Variants in LRBA observed in about 807,000 individuals in gnomAD.
The protein encoded by LRBA is LPS responsive beige-like anchor protein, also known as lipopolysaccharide-responsive and beige-like anchor protein.
In LRBA, 176 loss-of-function variants were observed where a neutral mutation model predicts 330.0. The ratio of observed to expected loss-of-function variants is 0.53; its 90% CI spans 0.47 to 0.60. LRBA has a LOEUF of 0.60. LRBA is among the 20% of genes least tolerant of loss of function. LRBA has a pLI of 0.00. For missense variants in LRBA, 3,259 were observed against 3,444.8 expected, an observed-to-expected ratio of 0.95 and a Z score of 1.35; for synonymous variants, 1,230 against 1,193.0, an observed-to-expected ratio of 1.03 and a Z score of -0.64.
At position 151,000,918 on chromosome 4, in the gene LRBA, C is replaced by T. The variant is rs144435687; in HGVS notation, c.216+13509G>A. Among the ~76,000 whole-genome samples, 1,148 of 152,310 alleles carry T rather than the reference C, an allele frequency of 7.5e-3. 7 individuals carry two copies. The highest frequency in any genetic ancestry group is 0.026 in the African/African-American group (1,063 of 41,556). ...GGGAGCCGAGAGACAATCCCCACTGCGGGGAAACAGTAAGTGGGAGACTCC... is the reference window on the plus strand; with the variant it reads ...GGGAGCCGAGAGACAATCCCCACTGTGGGGAAACAGTAAGTGGGAGACTCC... On this transcript the variant is annotated intron_variant, in intron 2 of 56. Coordinates refer to ENST00000651943, the MANE Select transcript of LRBA (RefSeq NM_001364905.1).
At chr4:150,938,374 A>G (rs1007354048) in intron 2 of LRBA, among the ~76,000 whole-genome samples, 13 of 152,186 alleles carry the variant, frequency 8.5e-5, no homozygotes, top group Admixed American at 3.9e-4. Flanking sequence ...GCCACTGGAA[A>G]CTTACTAATA....
At chr4:150,728,319 AGAG>A (rs1729975803) in intron 36 of LRBA, among the ~76,000 whole-genome samples, 1 of 152,160 alleles carries the variant, frequency 6.6e-6, no homozygotes, top group South Asian at 2.1e-4. Flanking sequence ...TCCAAAAAAT[AGAG>A]GAGGGAAGAA....
intron 40 of LRBA, among the ~76,000 whole-genome samples, chr4:150,551,379 T>A (rs1581649251): frequency 6.6e-6 from 1 of 152,094 alleles, no homozygotes; most frequent in Admixed American, 6.6e-5. Context: ...CAACGACAGC[T>A]ACATAAAAAA....
intron 35 of LRBA, among the ~76,000 whole-genome samples, chr4:150,755,978 C>T (rs1277171204): frequency 6.7e-6 from 1 of 149,394 alleles, no homozygotes; most frequent in African/African-American, 2.5e-5. Flanking sequence ...CCAGGGAGGT[C>T]GAGGCTGAAG....
chr4:150,849,055 C>T, intron 25 of LRBA, 57 bp from the exon 26 acceptor site: 1 of 1,185,092 alleles, frequency 8.4e-7, no homozygotes, highest in Non-Finnish European at 1.2e-6. Flanking sequence ...AAAATTTTAC[C>T]AGATATAGTC....
intron 9 of LRBA, among the ~76,000 whole-genome samples, chr4:150,910,624 T>A (rs2149481683): frequency 6.6e-6 from 1 of 152,324 alleles, no homozygotes; most frequent in African/African-American, 2.4e-5. Context: ...TTTGTTCCCC[T>A]TTTTAAATAC....
In LRBA at chr4:150,513,695, G is replaced by C. The variant is rs78700672; in HGVS notation, c.6331-22660C>G. On this transcript the variant is annotated intron_variant, in intron 40 of 56. Transcript: ENST00000651943. ...TTCCTGCTCCCTGTCCCCTCACATA[G>C]TGGAGACAGAGAATTTCTCTTTCAT... Among the ~76,000 whole-genome samples the C allele has an allele frequency of 1.2e-3, 182 of 152,272 alleles. 4 individuals are homozygous for C. The highest frequency in any genetic ancestry group is 4.3e-3 in the African/African-American group (178 of 41,550).
At chr4:150,858,403 A>G (rs1337274178) in intron 22 of LRBA, among the ~76,000 whole-genome samples, 1 of 151,192 alleles carries the variant, frequency 6.6e-6, no homozygotes, top group East Asian at 1.9e-4. Flanking sequence ...TTTAAGTGCC[A>G]TTTAAATTTG....
At chr4:150,628,904 T>G (rs898581342) in intron 37 of LRBA, among the ~76,000 whole-genome samples, 1 of 152,138 alleles carries the variant, frequency 6.6e-6, no homozygotes, top group Non-Finnish European at 1.5e-5. Context: ...CTCTCAAAAT[T>G]TTTGCTGTTG....
At chr4:151,009,439 C>T (rs569120119) in intron 2 of LRBA, among the ~76,000 whole-genome samples, 1 of 150,532 alleles carries the variant, frequency 6.6e-6, no homozygotes, top group South Asian at 2.1e-4. Flanking sequence ...ATCCCAGCTA[C>T]TCAGGAGGCT....
chr4:150,566,001 G>A (rs1373423116), intron 40 of LRBA, among the ~76,000 whole-genome samples: 2 of 151,348 alleles, frequency 1.3e-5, no homozygotes, highest in Non-Finnish European at 2.9e-5. Flanking sequence ...GCGAAGATAA[G>A]AGGATCACTT....
intron 37 of LRBA, among the ~76,000 whole-genome samples, chr4:150,613,363 T>C (rs1775451798): frequency 6.6e-6 from 1 of 152,170 alleles, no homozygotes; most frequent in Non-Finnish European, 1.5e-5. Flanking sequence ...TAGAAGTGAG[T>C]AATCCACAAA....
chr4:150,748,451 G>A (rs180965998), intron 35 of LRBA, among the ~76,000 whole-genome samples: 81 of 152,146 alleles, frequency 5.3e-4, no homozygotes, highest in African/African-American at 1.7e-3. Flanking sequence ...GGCAGATCAC[G>A]AGGTCAGGAG....
intron 48 of LRBA, among the ~76,000 whole-genome samples, chr4:150,328,677 C>G (rs1281461335): frequency 1.3e-5 from 2 of 151,794 alleles, no homozygotes; most frequent in African/African-American, 4.8e-5. Context: ...AGAGCAGAAC[C>G]TCAAGAAGTA....
At chr4:150,466,164 G>A (rs1329857304) in intron 44 of LRBA, among the ~76,000 whole-genome samples, 1 of 152,070 alleles carries the variant, frequency 6.6e-6, no homozygotes, top group Non-Finnish European at 1.5e-5. Context: ...TGAGGAAAAT[G>A]TTAACCTTCG....
intron 41 of LRBA, among the ~76,000 whole-genome samples, chr4:150,488,641 T>C (rs1201442297): frequency 1.3e-5 from 2 of 151,418 alleles, no homozygotes; most frequent in East Asian, 1.9e-4. Flanking sequence ...TTAGAAGATA[T>C]TCATTTGGTC....
chr4:150,602,483 C>T (rs1395879311), intron 37 of LRBA, among the ~76,000 whole-genome samples: 1 of 152,122 alleles, frequency 6.6e-6, no homozygotes, highest in Non-Finnish European at 1.5e-5. Flanking sequence ...GTCATTTACA[C>T]AGTAACAAAC....
chr4:150,272,763 A>T (rs1746291872), intron 56 of LRBA, among the ~76,000 whole-genome samples: 1 of 151,994 alleles, frequency 6.6e-6, no homozygotes, highest in Non-Finnish European at 1.5e-5. Context: ...TTAGAGAAAA[A>T]AGAATGAAAA....
At chr4:150,910,560 A>G (rs973535520) in intron 9 of LRBA, among the ~76,000 whole-genome samples, 1 of 152,124 alleles carries the variant, frequency 6.6e-6, no homozygotes, top group Non-Finnish European at 1.5e-5. Context: ...TGTTTTCATT[A>G]TGTATCATAG....
Sources: allele counts gnomAD v4.1 joint callset (sites outside exome capture counted in the v4.1 genomes callset), GRCh38; gene constraint gnomAD v4.1.1; transcripts MANE v1.5; gene names NCBI Gene and HGNC (gene_info 2026-07-23, HGNC 2026-07-21).